The following ADARB2 variants were observed in gnomAD, a reference collection of about 807,000 sequenced individuals.
ADARB2 encodes adenosine deaminase RNA specific B2 (inactive), also known as inactive double-stranded RNA-specific editase B2.
ADARB2 carries 25 observed loss-of-function variants against 62.2 expected under a neutral mutation model. The observed-to-expected ratio is 0.40, with a 90% CI of 0.29 to 0.56. The LOEUF is 0.56. Ranked by LOEUF, ADARB2 falls within the 20% of genes least tolerant of loss-of-function variation. ADARB2 has a pLI of 0.43. For synonymous variants in ADARB2, 572 were observed against 500.8 expected (o/e 1.14, Z -1.90); for missense variants, 1,071 against 1,077.4 (o/e 0.99, Z 0.08).
chr10:1,732,314 C>CAAA (rs4002272), intron 1 of ADARB2, among the ~76,000 whole-genome samples: 5,942 of 105,466 alleles, frequency 0.056, 206 homozygotes, highest in African/African-American at 0.13. Context: ...TTTCATGCCT[C>CAAA]AAAAAAAAAA....
At chr10:1,498,483 G>A (rs1262959546) in intron 1 of ADARB2, among the ~76,000 whole-genome samples, 1 of 151,858 alleles carries the variant, frequency 6.6e-6, no homozygotes, top group African/African-American at 2.4e-5. Flanking sequence ...AAATACACAT[G>A]GCCTATGACC....
chr10:1,471,139 G>GT (rs1312948547), intron 1 of ADARB2, among the ~76,000 whole-genome samples: 2 of 152,168 alleles, frequency 1.3e-5, no homozygotes, highest in African/African-American at 4.8e-5. Flanking sequence ...CACAGGGGTG[G>GT]TTTTTTCAAC....
intron 6 of ADARB2, among the ~76,000 whole-genome samples, chr10:1,231,036 G>C (rs745941823): frequency 6.6e-6 from 1 of 152,096 alleles, no homozygotes; most frequent in Non-Finnish European, 1.5e-5. Context: ...TGGCTGGAGA[G>C]GCTGCAGTTG....
intron 3 of ADARB2, among the ~76,000 whole-genome samples, chr10:1,321,518 C>G (rs1478508545): frequency 6.6e-6 from 1 of 152,100 alleles, no homozygotes; most frequent in Non-Finnish European, 1.5e-5. Flanking sequence ...CTAGCTGGGA[C>G]TAAAAGTGCT....
intron 3 of ADARB2, chr10:1,290,436 C>T (rs1831455984): frequency 6.6e-6 from 1 of 152,296 alleles, no homozygotes; most frequent in African/African-American, 2.4e-5. Context: ...CACACCCCCA[C>T]TGCACGGATG....
At chr10:1,690,493 G>A (rs1231143462) in intron 1 of ADARB2, among the ~76,000 whole-genome samples, 2 of 152,180 alleles carry the variant, frequency 1.3e-5, no homozygotes, top group Non-Finnish European at 2.9e-5. Context: ...TACTTGTAAT[G>A]ATGCAGTGAC....
intron 1 of ADARB2, among the ~76,000 whole-genome samples, chr10:1,599,622 G>A (rs1833382201): frequency 6.6e-6 from 1 of 152,162 alleles, no homozygotes; most frequent in African/African-American, 2.4e-5. Flanking sequence ...CCTCCCAGTT[G>A]GACTTTAAAT....
intron 1 of ADARB2, among the ~76,000 whole-genome samples, chr10:1,570,286 T>G (rs1052366832): frequency 6.6e-6 from 1 of 152,224 alleles, no homozygotes; most frequent in South Asian, 2.1e-4. Flanking sequence ...TGCTTTTTTT[T>G]AAGATGTACT....
intron 3 of ADARB2, among the ~76,000 whole-genome samples, chr10:1,295,442 A>G (rs370953086): frequency 7.2e-5 from 11 of 152,230 alleles, no homozygotes; most frequent in Non-Finnish European, 7.3e-5. Context: ...CAGATAGAAC[A>G]TAACAATTTC....
chr10:1,584,285 C>T (rs750275914), intron 1 of ADARB2, among the ~76,000 whole-genome samples: 1 of 152,056 alleles, frequency 6.6e-6, no homozygotes, highest in Non-Finnish European at 1.5e-5. Context: ...CACCTAAGAC[C>T]TTAACTGATA....
At chr10:1,431,219 T>C (rs1423436323) in intron 1 of ADARB2, among the ~76,000 whole-genome samples, 1 of 152,036 alleles carries the variant, frequency 6.6e-6, no homozygotes, top group East Asian at 1.9e-4. Context: ...TTTAAAATAA[T>C]AAAAATCATA....
chr10:1,419,888 G>T lies in ADARB2; in HGVS notation c.101-40728C>A, dbSNP rs188257435. Among the ~76,000 whole-genome samples, 681 of 152,336 alleles carry T rather than the reference G, an allele frequency of 4.5e-3. 6 individuals carry two copies. The highest frequency in any genetic ancestry group is 0.01 in the Middle Eastern group (3 of 294). On this transcript the variant is annotated intron_variant, in intron 1 of 9. Coordinates refer to ENST00000381312, the MANE Select transcript of ADARB2 (RefSeq NM_018702.4). ...ATAAAAGATGAATCAAAGTGATTCA[G>T]TTCTGTAAGTTTTGGACTAGAAATC...
intron 1 of ADARB2, among the ~76,000 whole-genome samples, chr10:1,492,249 G>A (rs1032607473): frequency 2.0e-5 from 3 of 152,158 alleles, no homozygotes; most frequent in Non-Finnish European, 4.4e-5. Flanking sequence ...ATTGTTATGT[G>A]TTCAACGGTG....
intron 1 of ADARB2, among the ~76,000 whole-genome samples, chr10:1,724,892 C>T (rs562299257): frequency 2.6e-5 from 4 of 152,300 alleles, no homozygotes; most frequent in South Asian, 4.1e-4. Flanking sequence ...TCCACGCCAA[C>T]GCTGTAAAAT....
At chr10:1,253,511 T>A (rs1350243345) in intron 4 of ADARB2, among the ~76,000 whole-genome samples, 1 of 152,256 alleles carries the variant, frequency 6.6e-6, no homozygotes, top group Non-Finnish European at 1.5e-5. Flanking sequence ...TTAATGTATT[T>A]CCATTTGTTT....
chr10:1,209,279 G>A (rs375065836), intron 7 of ADARB2, among the ~76,000 whole-genome samples: 5 of 149,366 alleles, frequency 3.3e-5, no homozygotes, highest in Admixed American at 6.7e-5. Flanking sequence ...CCATGCCCAC[G>A]CCTACACCAT....
Position 1,548,446 on chromosome 10 carries a change from C to T in ADARB2, c.101-169286G>A, listed in dbSNP as rs191238226. Among the ~76,000 whole-genome samples, 725 of 152,342 alleles carry T rather than the reference C, an allele frequency of 4.8e-3. 4 individuals are homozygous for T. Among genetic ancestry groups the T allele is most frequent in the Non-Finnish European group, 7.9e-3 (539 of 68,032 alleles). On this transcript the variant is annotated intron_variant, in intron 1 of 9. Coordinates refer to ENST00000381312, the MANE Select transcript of ADARB2 (RefSeq NM_018702.4). ...CGGGGACCCCCGGCATAGCCAAAGACCCCTTCACTGACATGGTGAATACAC... is the reference window on the plus strand; with the variant it reads ...CGGGGACCCCCGGCATAGCCAAAGATCCCTTCACTGACATGGTGAATACAC...
chr10:1,430,734 C>T (rs549138001), intron 1 of ADARB2, among the ~76,000 whole-genome samples: 197 of 143,586 alleles, frequency 1.4e-3, no homozygotes, highest in African/African-American at 4.4e-3. Context: ...AGTGAGACTC[C>T]GTCTCAAAAA....
intron 3 of ADARB2, among the ~76,000 whole-genome samples, chr10:1,287,068 G>A (rs750855326): frequency 2.6e-5 from 4 of 152,142 alleles, no homozygotes; most frequent in Non-Finnish European, 2.9e-5. Flanking sequence ...TTGAGGAGGC[G>A]TATGTTGGGG....
Sources: gnomAD v4.1 joint callset for allele counts (sites outside exome capture counted in the v4.1 genomes callset) on GRCh38, gnomAD v4.1.1 for gene constraint, MANE v1.5 for transcripts, NCBI Gene and HGNC (gene_info 2026-07-23, HGNC 2026-07-21) for gene names.